Variants in PATJ observed in about 807,000 individuals in gnomAD.
The protein encoded by PATJ is PATJ crumbs cell polarity complex component.
A neutral mutation model predicts 224.9 loss-of-function variants in PATJ; 190 were observed. The observed-to-expected ratio is 0.84, with a 90% confidence interval of 0.75 to 0.95. PATJ has a LOEUF of 0.95. Ranked by LOEUF, PATJ falls within the 40% of genes least tolerant of loss-of-function variation. The pLI is 0.00. For synonymous variants in PATJ, 769 were observed against 820.3 expected (o/e 0.94, Z 1.07); for missense variants, 2,121 against 2,270.3 (o/e 0.93, Z 1.34).
Position 61,827,416 on chromosome 1 carries a change from T to C in PATJ, c.1819-6T>C. On this transcript the variant is annotated splice_polypyrimidine_tract_variant and splice_region_variant and intron_variant, in intron 15 of 43. Transcript: ENST00000642238. ...TCAGTTCTGACTTATCCCCTTGTCT[T>C]CCTAGGTCAATGGCATGCAGCTTTA... 6.2e-7 allele frequency: 1 copy of C among 1,613,314 alleles called. No individual in the cohort carries two copies. The highest frequency in any genetic ancestry group is 8.5e-7 in the Non-Finnish European group (1 of 1,179,580).
At chr1:61,748,788 A>AGGCACGCACC (rs1366144673) in intron 1 of PATJ, among the ~76,000 whole-genome samples, 2 of 151,612 alleles carry the variant, frequency 1.3e-5, no homozygotes, top group African/African-American at 4.8e-5. Flanking sequence ...CCTGGACTAC[A>AGGCACGCACC]GGCACGCACC....
chr1:61,995,092 A>C (rs67417917), intron 28 of PATJ, among the ~76,000 whole-genome samples: 10,597 of 152,224 alleles, frequency 0.07, 807 homozygotes, highest in East Asian at 0.39. Flanking sequence ...AGAAAGCTAA[A>C]GCCAGTGTTA....
At chr1:61,898,410 T>TA (rs1266777389) in intron 22 of PATJ, among the ~76,000 whole-genome samples, 2 of 151,970 alleles carry the variant, frequency 1.3e-5, no homozygotes, top group East Asian at 1.9e-4. Flanking sequence ...AGCTAATTTT[T>TA]TTTTTTTTTT....
At chr1:61,819,155 C>T (rs1209401028) in intron 14 of PATJ, among the ~76,000 whole-genome samples, 1 of 152,130 alleles carries the variant, frequency 6.6e-6, no homozygotes, top group East Asian at 1.9e-4. Flanking sequence ...CCTTAAGTGT[C>T]CCCTTCATTG....
chr1:61,812,318 T>G (rs1654936575), intron 14 of PATJ, among the ~76,000 whole-genome samples: 1 of 150,216 alleles, frequency 6.7e-6, no homozygotes, highest in South Asian at 2.1e-4. Context: ...GGTCTTACCG[T>G]GCCTGCTAAT....
chr1:62,134,308 G>A (rs1340323850), intron 41 of PATJ, among the ~76,000 whole-genome samples: 1 of 144,956 alleles, frequency 6.9e-6, no homozygotes, highest in South Asian at 2.2e-4. Context: ...TTACAGGTGT[G>A]AGCCATCGCA....
intron 1 of PATJ, among the ~76,000 whole-genome samples, chr1:61,748,744 G>C (rs1226677627): frequency 6.6e-6 from 1 of 151,692 alleles, no homozygotes; most frequent in East Asian, 2.0e-4. Flanking sequence ...CACTAGCCCT[G>C]ACCCCCTGGG....
At chr1:61,859,413 A>AT (rs920775543) in intron 18 of PATJ, among the ~76,000 whole-genome samples, 2 of 151,784 alleles carry the variant, frequency 1.3e-5, no homozygotes, top group African/African-American at 4.8e-5. Context: ...AATTTCAAGA[A>AT]TTTTTTTTCT....
chr1:61,895,507 GGCTGTT>G (rs1336794806), intron 22 of PATJ, among the ~76,000 whole-genome samples: 1 of 152,236 alleles, frequency 6.6e-6, no homozygotes, highest in Non-Finnish European at 1.5e-5. Context: ...GTACAGCTCA[GGCTGTT>G]GCTTCAGAGG....
chr1:61,777,703 C>CTTTTTTTTTTTTTTT (rs66470863), intron 7 of PATJ, among the ~76,000 whole-genome samples: 19 of 48,742 alleles, frequency 3.9e-4, no homozygotes, highest in African/African-American at 1.7e-3. Context: ...TTCTTTCTTT[C>CTTTTTTTTTTTTTTT]TTTTTTTTTT....
At chr1:61,806,610 T>C (rs1200007138) in intron 13 of PATJ, among the ~76,000 whole-genome samples, 7 of 150,004 alleles carry the variant, frequency 4.7e-5, no homozygotes, top group African/African-American at 1.7e-4. Context: ...CAGAGCGAGA[T>C]TCCGCCTCAA....
At chr1:62,128,597 C>T (rs2148946528) in intron 40 of PATJ, 2 of 466,728 alleles carry the variant, frequency 4.3e-6, no homozygotes, top group South Asian at 6.7e-5. Context: ...TACCAAAATA[C>T]AAAAATGGCC....
chr1:61,861,118 A>G (rs1452579806), intron 18 of PATJ, among the ~76,000 whole-genome samples: 1 of 151,334 alleles, frequency 6.6e-6, no homozygotes, highest in Non-Finnish European at 1.5e-5. Context: ...TCTTTAAGAA[A>G]TACTTTAAAA....
chr1:62,042,877 C>T (rs967045384), intron 30 of PATJ, among the ~76,000 whole-genome samples: 1 of 152,098 alleles, frequency 6.6e-6, no homozygotes, highest in Non-Finnish European at 1.5e-5. Context: ...GAACTCCTGA[C>T]CTGAAGCAGT....
At chr1:61,772,608 C>G (rs1646682573) in intron 6 of PATJ, among the ~76,000 whole-genome samples, 1 of 152,114 alleles carries the variant, frequency 6.6e-6, no homozygotes, top group African/African-American at 2.4e-5. Flanking sequence ...TACAAGGTCA[C>G]AACAAAAATT....
intron 22 of PATJ, among the ~76,000 whole-genome samples, chr1:61,889,934 G>A (rs1383154319): frequency 6.6e-6 from 1 of 152,152 alleles, no homozygotes; most frequent in Non-Finnish European, 1.5e-5. Flanking sequence ...ACTTGAGATC[G>A]TGTTTTCAGA....
At chr1:61,906,706 T>C (rs935129940) in intron 24 of PATJ, among the ~76,000 whole-genome samples, 2 of 152,126 alleles carry the variant, frequency 1.3e-5, no homozygotes, top group Non-Finnish European at 2.9e-5. Flanking sequence ...TCTGGGAGAA[T>C]CACACCCTAG....
At chr1:62,100,460 C>G in intron 33 of PATJ, 1 of 712,760 alleles carries the variant, frequency 1.4e-6, no homozygotes, top group South Asian at 1.5e-5. Flanking sequence ...TTATTAGGAA[C>G]TCACTCCCAA....
chr1:61,866,563 T>C (rs1381618245), intron 20 of PATJ, among the ~76,000 whole-genome samples: 1 of 152,202 alleles, frequency 6.6e-6, no homozygotes, highest in Non-Finnish European at 1.5e-5. Flanking sequence ...ATACAGCAAT[T>C]TTTGAATCTG....
Sources: allele counts gnomAD v4.1 joint callset (sites outside exome capture counted in the v4.1 genomes callset), GRCh38; gene constraint gnomAD v4.1.1; transcripts MANE v1.5; gene names NCBI Gene and HGNC (gene_info 2026-07-23, HGNC 2026-07-21).